Variants in SLCO1B3 observed in about 807,000 individuals in gnomAD.
SLCO1B3 encodes the protein solute carrier organic anion transporter family member 1B3, also known as liver-specific organic anion transporter 2.
Under a neutral mutation model 71.8 loss-of-function variants are expected in SLCO1B3, and 72 were observed. The observed-to-expected ratio is 1.00, with a 90% CI of 0.83 to 1.22. The LOEUF is 1.22. Ranked by LOEUF, SLCO1B3 falls within the 50% of genes most tolerant of loss-of-function variation. The pLI, the probability that SLCO1B3 is intolerant of heterozygous loss-of-function variation, is 0.00. For synonymous variants in SLCO1B3, 298 were observed against 278.4 expected (o/e 1.07, Z -0.70); for missense variants, 911 against 819.7 (o/e 1.11, Z -1.36).
rs11045539 is a variant in SLCO1B3, at chr12:20,833,828, A to G, written c.84+18006A>G. Among the ~76,000 whole-genome samples, 233 of 147,796 alleles carry G rather than the reference A, an allele frequency of 1.6e-3. 4 individuals carry two copies. In the East Asian group the frequency reaches 0.025, roughly 16 times the overall value. On this transcript the variant is annotated intron_variant, in intron 3 of 15. Transcript: ENST00000381545. ...TGTGTATATATCTATATATGCACAC[A>G]CACAGTTTGTGTTTAAATAAGTTTA...
At chr12:20,817,855 G>A (rs1864220387) in intron 3 of SLCO1B3, among the ~76,000 whole-genome samples, 2 of 152,070 alleles carry the variant, frequency 1.3e-5, no homozygotes, top group Admixed American at 6.5e-5. Flanking sequence ...CTCCGAAAGT[G>A]CTGGGATTAC....
intron 3 of SLCO1B3, among the ~76,000 whole-genome samples, chr12:20,846,897 C>G (rs543012792): frequency 1.1e-3 from 172 of 152,156 alleles, no homozygotes; most frequent in Non-Finnish European, 2.1e-3. Flanking sequence ...GACTTTACCT[C>G]TTATCTCGAT....
chr12:20,859,982 A>T, intron 5 of SLCO1B3, among the ~76,000 whole-genome samples: 1 of 116,698 alleles, frequency 8.6e-6, no homozygotes, highest in Admixed American at 1.1e-4. Context: ...TTTGAGACGG[A>T]GTCTCGCTAG....
chr12:20,825,440 T>TA (rs1164409002), intron 3 of SLCO1B3, among the ~76,000 whole-genome samples: 1 of 152,126 alleles, frequency 6.6e-6, no homozygotes, highest in African/African-American at 2.4e-5. Flanking sequence ...TGACTGGTGT[T>TA]ACGGTTTAAG....
At chr12:20,915,253 C>G (rs995183994) in intron 15 of SLCO1B3, among the ~76,000 whole-genome samples, 5 of 151,906 alleles carry the variant, frequency 3.3e-5, no homozygotes, top group Non-Finnish European at 7.4e-5. Context: ...CAGCAGTGCT[C>G]TATCTAATAA....
At chr12:20,906,429 CATT>C (rs1339422408) in intron 15 of SLCO1B3, among the ~76,000 whole-genome samples, 6 of 152,132 alleles carry the variant, frequency 3.9e-5, no homozygotes, top group Non-Finnish European at 5.9e-5. Flanking sequence ...TGGATCATGA[CATT>C]ATGCATTTGC....
chr12:20,820,822 A>C (rs534381737), intron 3 of SLCO1B3, among the ~76,000 whole-genome samples: 1 of 152,264 alleles, frequency 6.6e-6, no homozygotes, highest in South Asian at 2.1e-4. Flanking sequence ...TTTGATGAAA[A>C]AGAGCCTAAA....
intron 4 of SLCO1B3, 143 bp downstream of exon 4, chr12:20,855,312 G>C: frequency 1.4e-6 from 1 of 727,420 alleles, no homozygotes; most frequent in Non-Finnish European, 2.2e-6. Flanking sequence ...GGATATTTTT[G>C]TTGCTATAAA....
chr12:20,828,389 A>G (rs1273201936), intron 3 of SLCO1B3, among the ~76,000 whole-genome samples: 1 of 151,984 alleles, frequency 6.6e-6, no homozygotes, highest in East Asian at 1.9e-4. Context: ...GGGTTCCATA[A>G]GGAAAAACAG....
chr12:20,892,263 A>C (rs969358672), intron 13 of SLCO1B3, among the ~76,000 whole-genome samples: 2 of 152,046 alleles, frequency 1.3e-5, no homozygotes, highest in Non-Finnish European at 2.9e-5. Flanking sequence ...GTTATGTAGG[A>C]TCTAACAGGC....
intron 8 of SLCO1B3, among the ~76,000 whole-genome samples, chr12:20,873,892 T>C (rs1865526341): frequency 1.3e-5 from 2 of 152,200 alleles, no homozygotes; most frequent in South Asian, 4.1e-4. Context: ...TTGCTGAAGA[T>C]AATGGCTTTC....
intron 13 of SLCO1B3, among the ~76,000 whole-genome samples, chr12:20,886,441 T>C (rs1218043039): frequency 1.3e-5 from 2 of 151,974 alleles, no homozygotes; most frequent in East Asian, 3.9e-4. Context: ...ACTCTAACTT[T>C]AGCGATTAAT....
intron 15 of SLCO1B3, among the ~76,000 whole-genome samples, chr12:20,906,962 G>A (rs1866258301): frequency 6.6e-6 from 1 of 151,750 alleles, no homozygotes; most frequent in African/African-American, 2.4e-5. Context: ...AACCAATCAA[G>A]AAGATATCAA....
chr12:20,896,576 AT>A (rs1866011222), intron 13 of SLCO1B3, among the ~76,000 whole-genome samples: 1 of 152,162 alleles, frequency 6.6e-6, no homozygotes. Flanking sequence ...TATTGTCCAT[AT>A]CACTATCAGG....
At chr12:20,860,333 A>G (rs1865235127) in intron 5 of SLCO1B3, among the ~76,000 whole-genome samples, 1 of 152,054 alleles carries the variant, frequency 6.6e-6, no homozygotes. Flanking sequence ...GATCATACAC[A>G]TTTATCTTAG....
intron 4 of SLCO1B3, among the ~76,000 whole-genome samples, chr12:20,857,746 T>TTGAACA (rs2121235307): frequency 6.6e-6 from 1 of 152,244 alleles, no homozygotes; most frequent in South Asian, 2.1e-4. Flanking sequence ...CGTGAAACTA[T>TTGAACA]TTTCCATCAG....
chr12:20,866,813 G>A (rs4762685), intron 8 of SLCO1B3, among the ~76,000 whole-genome samples: 109,932 of 151,934 alleles, frequency 0.72, 42,354 homozygotes, highest in South Asian at 0.88. Context: ...ATAGGCTAAC[G>A]CTGATGTTCT....
At chr12:20,866,048 A>G in intron 8 of SLCO1B3, among the ~76,000 whole-genome samples, 1 of 152,102 alleles carries the variant, frequency 6.6e-6, no homozygotes, top group East Asian at 1.9e-4. Flanking sequence ...CACAGTAAAA[A>G]GTGAACCCTT....
chr12:20,814,976 C>CTTTTTTTTTTTTTTT (rs1297703814), intron 2 of SLCO1B3, among the ~76,000 whole-genome samples: 53 of 117,078 alleles, frequency 4.5e-4, no homozygotes, highest in East Asian at 2.5e-3. Context: ...CTTTTCTTTT[C>CTTTTTTTTTTTTTTT]TTTTCTTTTT....
Sources: gnomAD v4.1 joint callset for allele counts (sites outside exome capture counted in the v4.1 genomes callset) on GRCh38, gnomAD v4.1.1 for gene constraint, MANE v1.5 for transcripts, NCBI Gene and HGNC (gene_info 2026-07-23, HGNC 2026-07-21) for gene names.